The following JAKMIP1 variants were observed in gnomAD, a reference collection of about 807,000 sequenced individuals.
JAKMIP1 encodes the protein janus kinase and microtubule-interacting protein 1.
In JAKMIP1, 33 loss-of-function variants were observed where a neutral mutation model predicts 113.0. That is an observed-to-expected ratio of 0.29 (90% CI 0.22 to 0.39). The LOEUF (loss-of-function observed/expected upper bound fraction) is 0.39, where lower values mean the gene tolerates loss of function less well. Ranked by LOEUF, JAKMIP1 falls within the 10% of genes least tolerant of loss-of-function variation. The pLI, the probability that JAKMIP1 is intolerant of heterozygous loss-of-function variation, is 1.00. For missense variants in JAKMIP1, 813 were observed against 1,080.5 expected, an observed-to-expected ratio of 0.75 and a Z score of 3.47; for synonymous variants, 480 against 459.9, an observed-to-expected ratio of 1.04 and a Z score of -0.56.
At chr4:6,098,277 A>C (rs910861467) in intron 3 of JAKMIP1, among the ~76,000 whole-genome samples, 1 of 152,314 alleles carries the variant, frequency 6.6e-6, no homozygotes, top group African/African-American at 2.4e-5. Flanking sequence ...CTAAAAATAC[A>C]AAAGAATTAG....
At position 6,168,877 on chromosome 4, in the gene JAKMIP1, G is replaced by T. The variant is rs556270007; in HGVS notation, c.-148+31376C>A. On this transcript the variant is annotated intron_variant, in intron 1 of 20. Transcript: ENST00000409021. This position sits in a 1 kb window ranked among gnomAD's most constrained non-coding sequence, Gnocchi z 4.6. The stretch of plus-strand genomic sequence containing the variant: ...AATCACACCACTGCACTCCAGCCTA[G>T]GTGACAGAGTGAGAGCCTGTCTCAA... Among the ~76,000 whole-genome samples, 5 of 151,984 alleles carry T rather than the reference G, an allele frequency of 3.3e-5. No individual in the cohort carries two copies. The highest frequency in any genetic ancestry group is 7.4e-5 in the Non-Finnish European group (5 of 68,014).
chr4:6,068,850 G>A (rs4689325), intron 8 of JAKMIP1, among the ~76,000 whole-genome samples: 129,689 of 152,138 alleles, frequency 0.85, 57,058 homozygotes, highest in East Asian at 0.96. Context: ...GATCACAGGT[G>A]TGAGCCATCA....
At chr4:6,170,684 C>CTGGTTAAGGAAGG (rs1724472065) in intron 1 of JAKMIP1, among the ~76,000 whole-genome samples, 1 of 151,392 alleles carries the variant, frequency 6.6e-6, no homozygotes, top group South Asian at 2.1e-4. Context: ...CTCACCTCCA[C>CTGGTTAAGGAAGG]TGTCACCCTC....
At position 6,067,074 on chromosome 4, in the gene JAKMIP1, C is replaced by G. The variant is rs1353570019; in HGVS notation, c.1303-2066G>C. On this transcript the variant is annotated intron_variant, in intron 8 of 20. Transcript: ENST00000409021. This position sits in a 1 kb window ranked among gnomAD's most constrained non-coding sequence, Gnocchi z 4.6. ...CCCTCCTGCTTCACCCCCGCCCCAGCCTCTGGGGCCTCCTTCTTTATTCCT... is the reference window on the plus strand; with the variant it reads ...CCCTCCTGCTTCACCCCCGCCCCAGGCTCTGGGGCCTCCTTCTTTATTCCT... Among the ~76,000 whole-genome samples the G allele has an allele frequency of 6.6e-6, 1 of 152,158 alleles. No individual in the cohort carries two copies. The highest frequency in any genetic ancestry group is 1.9e-4 in the East Asian group (1 of 5,188).
Position 6,069,931 on chromosome 4 carries a change from C to A in JAKMIP1, c.1303-4923G>T. ...CCCAACCAGATCCAGTCTCTCTCAG[C>A]CACCTGTCTTCTCACCTTCCTATCA... is the stretch of plus-strand genomic sequence containing the variant. On this transcript the variant is annotated intron_variant, in intron 8 of 20. Coordinates refer to ENST00000409021, the MANE Select transcript of JAKMIP1 (RefSeq NM_001099433.2). The surrounding 1 kb of genome is among the most constrained non-coding windows in gnomAD (Gnocchi z 4.5). 2.5e-6 allele frequency: 1 copy of A among 395,986 alleles called. No individual in the cohort carries two copies. Among genetic ancestry groups the A allele is most frequent in the Non-Finnish European group, 4.4e-6 (1 of 224,956 alleles). The allele number at this position is 395,986 out of a possible 1,614,324, so 24.5% of individuals were successfully genotyped here. A position where few individuals can be genotyped will look rare whatever the true frequency, so the allele number is the denominator to read the frequency against.
At chr4:6,132,281 TAA>T (rs890073208) in intron 1 of JAKMIP1, among the ~76,000 whole-genome samples, 3 of 152,130 alleles carry the variant, frequency 2.0e-5, no homozygotes, top group Non-Finnish European at 4.4e-5. Flanking sequence ...GGGTGACTAC[TAA>T]AAAAAGTTTT....
chr4:6,041,757 C>G (rs1264829426), intron 17 of JAKMIP1, among the ~76,000 whole-genome samples: 1 of 152,170 alleles, frequency 6.6e-6, no homozygotes, highest in Non-Finnish European at 1.5e-5. Flanking sequence ...TGAGCCATGC[C>G]CATGTGTTCC....
At chr4:6,147,027 C>T (rs752200052) in intron 1 of JAKMIP1, among the ~76,000 whole-genome samples, 3 of 152,098 alleles carry the variant, frequency 2.0e-5, no homozygotes, top group African/African-American at 4.8e-5. Context: ...GGCATGATCT[C>T]GGCTCACTGC....
At chr4:6,098,546 A>AAGAAAGAAAG in intron 3 of JAKMIP1, among the ~76,000 whole-genome samples, 1 of 46,568 alleles carries the variant, frequency 2.1e-5, no homozygotes, top group African/African-American at 5.2e-5. Flanking sequence ...GAGAGAAAGA[A>AAGAAAGAAAG]AAAGAAAGAA....
chr4:6,085,968 T>G (rs1394506291), intron 3 of JAKMIP1, among the ~76,000 whole-genome samples: 1 of 152,080 alleles, frequency 6.6e-6, no homozygotes, highest in Non-Finnish European at 1.5e-5. Flanking sequence ...CAGCTCAGCT[T>G]CTTGGCAGAG....
chr4:6,170,003 CCACCACCCT>C (rs1724192000), intron 1 of JAKMIP1, among the ~76,000 whole-genome samples: 3 of 142,624 alleles, frequency 2.1e-5, no homozygotes, highest in Non-Finnish European at 4.5e-5. Context: ...ACCACCACCA[CCACCACCCT>C]CACCACCACC....
Position 6,156,241 on chromosome 4 carries a change from CA to C in JAKMIP1, c.-147-43245del, listed in dbSNP as rs1439546343. On this transcript the variant is annotated intron_variant, in intron 1 of 20. Transcript: ENST00000409021. This position sits in a 1 kb window ranked among gnomAD's most constrained non-coding sequence, Gnocchi z 5.0. Reference sequence around the variant, plus strand: ...AGCCCTCGGAAGTGGCCCGCCAACACAGGAACAAGCGAATGCCACTGTATCA... The same window carrying C: ...AGCCCTCGGAAGTGGCCCGCCAACACGGAACAAGCGAATGCCACTGTATCA... 6.6e-6 allele frequency among the ~76,000 whole-genome samples: 1 copy of C among 152,268 alleles called. No homozygotes were observed. The highest frequency in any genetic ancestry group is 1.5e-5 in the Non-Finnish European group (1 of 68,044).
chr4:6,048,820 G>C (rs1715311233), intron 16 of JAKMIP1, 37 bp downstream of exon 16: 4 of 1,572,004 alleles, frequency 2.5e-6, no homozygotes, highest in Non-Finnish European at 2.6e-6. Context: ...GGGAAGCTGG[G>C]ACAAGGTGTG....
intron 1 of JAKMIP1, among the ~76,000 whole-genome samples, chr4:6,119,547 A>T (rs1340380421): frequency 6.9e-6 from 1 of 144,188 alleles, no homozygotes; most frequent in Non-Finnish European, 1.5e-5. Flanking sequence ...TCCGTCTCAA[A>T]AACAAACAAA....
In JAKMIP1 at chr4:6,102,995, T is replaced by C. The variant is rs200035923; in HGVS notation, c.624+2478A>G. On this transcript the variant is annotated intron_variant, in intron 3 of 20. Coordinates refer to ENST00000409021, the MANE Select transcript of JAKMIP1 (RefSeq NM_001099433.2). ...TGATCTGCCTGCCTCGGCCTCCCAA[T>C]GAAACTTTTATTTATTTTATTTTAT... Among the ~76,000 whole-genome samples the C allele has an allele frequency of 3.3e-5, 5 of 152,092 alleles. No individual in the cohort carries two copies. The East Asian group carries it at 9.6e-4, about 29-fold the overall frequency.
intron 8 of JAKMIP1, among the ~76,000 whole-genome samples, chr4:6,070,908 C>A (rs1415470664): frequency 6.6e-6 from 1 of 152,186 alleles, no homozygotes; most frequent in African/African-American, 2.4e-5. Flanking sequence ...GAGAGTCTTC[C>A]ATCTCTCGGA....
At chr4:6,132,116 G>C (rs1340480414) in intron 1 of JAKMIP1, among the ~76,000 whole-genome samples, 1 of 152,196 alleles carries the variant, frequency 6.6e-6, no homozygotes, top group Non-Finnish European at 1.5e-5. Context: ...AACAGCAACA[G>C]TGTAATTGAT....
intron 1 of JAKMIP1, among the ~76,000 whole-genome samples, chr4:6,146,505 G>C (rs1344563745): frequency 6.6e-6 from 1 of 152,092 alleles, no homozygotes; most frequent in African/African-American, 2.4e-5. Context: ...TGTTGCCCAG[G>C]CTGATCTTGA....
rs1379109221 is a variant in JAKMIP1, at chr4:6,141,785, G to T, written c.-147-28788C>A. ...GAGGATGCTGACTGTCCACTCTTCG[G>T]CAACCTCCCTGGCCACTGAGCAGCC... is the stretch of plus-strand genomic sequence containing the variant. On this transcript the variant is annotated intron_variant, in intron 1 of 20. Coordinates refer to ENST00000409021, the MANE Select transcript of JAKMIP1 (RefSeq NM_001099433.2). This position sits in a 1 kb window ranked among gnomAD's most constrained non-coding sequence, Gnocchi z 9.4. 6.6e-6 allele frequency among the ~76,000 whole-genome samples: 1 copy of T among 152,188 alleles called. No individual in the cohort carries two copies. The highest frequency in any genetic ancestry group is 1.5e-5 in the Non-Finnish European group (1 of 68,038).
Sources: allele counts gnomAD v4.1 joint callset (sites outside exome capture counted in the v4.1 genomes callset), GRCh38; gene constraint gnomAD v4.1.1; non-coding constraint Gnocchi (gnomAD v3.1); transcripts MANE v1.5; gene names NCBI Gene and HGNC (gene_info 2026-07-23, HGNC 2026-07-21).